The following FAM81B variants were observed in gnomAD, a reference collection of about 807,000 sequenced individuals.
FAM81B encodes family with sequence similarity 81 member B.
In FAM81B, 60 loss-of-function variants were observed where a neutral mutation model predicts 58.7. The observed-to-expected ratio is 1.02, with a 90% CI of 0.83 to 1.27. FAM81B has a LOEUF of 1.27. Ranked by LOEUF, FAM81B falls within the 50% of genes most tolerant of loss-of-function variation. The pLI is 0.00. For synonymous variants in FAM81B, 189 were observed against 179.6 expected (o/e 1.05, Z -0.42); for missense variants, 491 against 522.0 (o/e 0.94, Z 0.58).
chr5:95,440,202 G>C (rs1382647360), intron 7 of FAM81B: 1 of 634,970 alleles, frequency 1.6e-6, no homozygotes, highest in African/African-American at 1.8e-5. Context: ...TCAACAAGAA[G>C]CTATTGACTG....
At chr5:95,409,920 G>T (rs1762362813) in intron 3 of FAM81B, among the ~76,000 whole-genome samples, 1 of 152,264 alleles carries the variant, frequency 6.6e-6, no homozygotes, top group East Asian at 1.9e-4. Context: ...GAGGAAAATT[G>T]CATATGGCAA....
At chr5:95,418,287 A>G (rs1169593843) in intron 4 of FAM81B, among the ~76,000 whole-genome samples, 1 of 152,178 alleles carries the variant, frequency 6.6e-6, no homozygotes, top group Admixed American at 6.5e-5. Flanking sequence ...ATTTTACTTA[A>G]TAATTCCCCA....
chr5:95,423,529 A>G (rs147802128), intron 5 of FAM81B, among the ~76,000 whole-genome samples: 2 of 148,230 alleles, frequency 1.3e-5, no homozygotes, highest in Admixed American at 6.8e-5. Context: ...AGGACTCCAG[A>G]ACAAACCTGC....
chr5:95,445,710 C>T (rs1561316413), intron 7 of FAM81B, among the ~76,000 whole-genome samples: 1 of 152,138 alleles, frequency 6.6e-6, no homozygotes, highest in Non-Finnish European at 1.5e-5. Flanking sequence ...AATCCACTCA[C>T]ACAGACTCAT....
chr5:95,392,053 G>A (rs6862960), intron 1 of FAM81B, among the ~76,000 whole-genome samples: 1 of 152,106 alleles, frequency 6.6e-6, no homozygotes, highest in Admixed American at 6.5e-5. Flanking sequence ...ACATGCACAC[G>A]TATGTTTATT....
chr5:95,397,901 C>A (rs1762004584), intron 3 of FAM81B, among the ~76,000 whole-genome samples: 1 of 152,204 alleles, frequency 6.6e-6, no homozygotes. Context: ...TTTTTGATAT[C>A]CCTCCAGTAG....
intron 3 of FAM81B, among the ~76,000 whole-genome samples, chr5:95,403,120 T>C (rs1390552824): frequency 6.6e-6 from 1 of 152,226 alleles, no homozygotes; most frequent in African/African-American, 2.4e-5. Flanking sequence ...TGGTGTTTAG[T>C]CTTTAGGATA....
chr5:95,440,173 G>A, intron 7 of FAM81B: 3 of 607,650 alleles, frequency 4.9e-6, no homozygotes, highest in East Asian at 4.0e-5. Context: ...GTGCTGACAA[G>A]TCCTTTCAAG....
chr5:95,444,894 C>T (rs565204808), intron 7 of FAM81B, among the ~76,000 whole-genome samples: 4 of 152,194 alleles, frequency 2.6e-5, no homozygotes, highest in African/African-American at 7.2e-5. Flanking sequence ...TGAGTCTCTC[C>T]TGTGCATTGT....
intron 7 of FAM81B, among the ~76,000 whole-genome samples, chr5:95,444,669 A>G (rs145558100): frequency 1.6e-4 from 25 of 152,314 alleles, no homozygotes; most frequent in African/African-American, 5.8e-4. Flanking sequence ...TCAACAGTCA[A>G]TCAAGATATG....
intron 6 of FAM81B, among the ~76,000 whole-genome samples, chr5:95,430,489 C>A (rs185412537): frequency 6.0e-4 from 90 of 151,020 alleles, no homozygotes; most frequent in African/African-American, 2.2e-3. Context: ...TATTGATACA[C>A]AGAGACCTTC....
At chr5:95,435,684 T>A (rs1745071883) in intron 6 of FAM81B, among the ~76,000 whole-genome samples, 1 of 152,194 alleles carries the variant, frequency 6.6e-6, no homozygotes, top group African/African-American at 2.4e-5. Context: ...ACTTTCACAA[T>A]GAGTTTTACT....
chr5:95,398,547 A>G (rs1175018957), intron 3 of FAM81B, among the ~76,000 whole-genome samples: 1 of 152,268 alleles, frequency 6.6e-6, no homozygotes, highest in African/African-American at 2.4e-5. Context: ...TTATCAACTC[A>G]TTAAATGGCC....
intron 5 of FAM81B, among the ~76,000 whole-genome samples, chr5:95,423,251 C>T (rs1444611450): frequency 6.6e-6 from 1 of 152,086 alleles, no homozygotes; most frequent in Non-Finnish European, 1.5e-5. Context: ...CTTTATTTCC[C>T]ATGGCAATAC....
chr5:95,395,998 C>T, intron 2 of FAM81B, 113 bp from the exon 3 acceptor site: 1 of 750,340 alleles, frequency 1.3e-6, no homozygotes. Flanking sequence ...AGCTGATTAT[C>T]TGGTCTATGG....
rs1264118474 is a variant in FAM81B at position 95,428,636 on chromosome 5, C to T, written c.690C>T (p.Asp230=). The stretch of plus-strand genomic sequence containing the variant: ...CAAGCATTGTGAAGCTTTCTGGAGA[C>T]ATTCACTTATTCAGGCAAGAGCACC... ...CDSSIVKLSG[D]IHLFRQEHRQ... Residue 230 remains aspartate (D), a synonymous_variant, in exon 6 of 10, where the codon GAC becomes GAT. Coordinates refer to ENST00000283357, the MANE Select transcript of FAM81B (RefSeq NM_152548.3). 3.7e-6 allele frequency: 6 copies of T among 1,613,842 alleles called. No individual in the cohort carries two copies. The African/African-American group carries it at 6.7e-5, about 18-fold the overall frequency.
At chr5:95,397,174 C>A (rs1761986470) in intron 3 of FAM81B, 1 of 152,142 alleles carries the variant, frequency 6.6e-6, no homozygotes, top group Non-Finnish European at 1.5e-5. Context: ...TTAATACATT[C>A]CAAATAGTTC....
intron 6 of FAM81B, among the ~76,000 whole-genome samples, chr5:95,434,665 C>T (rs914328693): frequency 6.6e-6 from 1 of 152,346 alleles, no homozygotes; most frequent in Middle Eastern, 3.4e-3. Context: ...CTTCATCCTG[C>T]TTTCCTTTGA....
At chr5:95,396,000 G>C in intron 2 of FAM81B, 111 bp from the exon 3 acceptor site, 1 of 803,294 alleles carries the variant, frequency 1.2e-6, no homozygotes, top group Non-Finnish European at 2.0e-6. Flanking sequence ...CTGATTATCT[G>C]GTCTATGGTA....
Sources: allele counts gnomAD v4.1 joint callset (sites outside exome capture counted in the v4.1 genomes callset), GRCh38; gene constraint gnomAD v4.1.1; transcripts MANE v1.5; gene names NCBI Gene and HGNC (gene_info 2026-07-23, HGNC 2026-07-21).